Variants in ARHGEF12 observed in about 807,000 individuals in gnomAD.
The protein encoded by ARHGEF12 is KMT2A/ARHGEF12 fusion protein.
ARHGEF12 carries 66 observed loss-of-function variants against 211.2 expected under a neutral mutation model. The ratio of observed to expected loss-of-function variants is 0.31; its 90% CI spans 0.26 to 0.38. ARHGEF12 has a LOEUF of 0.38. Among genes scored for constraint, ARHGEF12 ranks in the 10% least tolerant of loss-of-function variants. The pLI is 1.00. For synonymous variants in ARHGEF12, 592 were observed against 638.4 expected, an observed-to-expected ratio of 0.93 and a Z score of 1.09; for missense variants, 1,429 against 1,869.5, an observed-to-expected ratio of 0.76 and a Z score of 4.34.
intron 1 of ARHGEF12, among the ~76,000 whole-genome samples, chr11:120,388,220 A>G (rs1944100667): frequency 6.6e-6 from 1 of 152,120 alleles, no homozygotes; most frequent in African/African-American, 2.4e-5. Context: ...AAGTGAACTC[A>G]CATAGTTTGT....
At position 120,440,134 on chromosome 11, in the gene ARHGEF12, T is replaced by C; in HGVS notation, c.1005T>C (p.Thr335=). The change falls in exon 13 of 41, where the codon ACT becomes ACC. Residue 335 remains threonine, a synonymous_variant. Transcript: ENST00000397843. The part of the protein sequence containing the change: ...EKSETIQDTD[T]QSLVGSPSTR... ...TTTTCCCTGAATGTTGCCAGGACAC[T>C]CAATCACTTGTCGGAAGTCCCTCAA... 3 of 1,610,898 alleles carry C rather than the reference T, an allele frequency of 1.9e-6. No homozygotes were observed. The highest frequency in any genetic ancestry group is 2.5e-6 in the Non-Finnish European group (3 of 1,178,382).
At chr11:120,384,948 A>G (rs1285774341) in intron 1 of ARHGEF12, among the ~76,000 whole-genome samples, 3 of 151,920 alleles carry the variant, frequency 2.0e-5, no homozygotes, top group Non-Finnish European at 4.4e-5. Context: ...AGCAGTAACA[A>G]CAACCGAATT....
Position 120,446,490 on chromosome 11 carries a change from G to A in ARHGEF12, c.1433G>A (p.Arg478Lys). ...GAAAGAGTCCATCCAGAAGTTCAAA[G>A]GCACTTAGAAGATTTTCGGTAAGCT... ...MQERVHPEVQ[R>K]HLEDFRQKRS... is the part of the protein sequence containing the mutation. The change falls in exon 17 of 41, where the codon AGG becomes AAG. Residue 478 changes from arginine (R) to lysine (K), a missense_variant. Arg to Lys is a conservative substitution (Grantham distance 26). Coordinates refer to ENST00000397843, the MANE Select transcript of ARHGEF12 (RefSeq NM_015313.3). The A allele has an allele frequency of 6.2e-7, 1 of 1,612,348 alleles. No individual in the cohort carries two copies. The highest frequency in any genetic ancestry group is 8.5e-7 in the Non-Finnish European group (1 of 1,179,306).
At chr11:120,410,731 C>CAGT (rs747835985) in intron 4 of ARHGEF12, 1 of 152,158 alleles carries the variant, frequency 6.6e-6, no homozygotes, top group Non-Finnish European at 1.5e-5. Flanking sequence ...ATACCTTTTA[C>CAGT]AGTAGTTCAG....
At position 120,360,818 on chromosome 11, in the gene ARHGEF12, G is replaced by A. The variant is rs143764589; in HGVS notation, c.32+23543G>A. Among the ~76,000 whole-genome samples the A allele has an allele frequency of 6.1e-3, 932 of 152,132 alleles. 9 individuals carry two copies. Among genetic ancestry groups the A allele is most frequent in the African/African-American group, 0.022 (908 of 41,520 alleles). Reference sequence around the variant, plus strand: ...TAGAAAAAATATGAATGATTATTACGTTAAAAAAATTAAAAGTGGAATGTA... The same window carrying A: ...TAGAAAAAATATGAATGATTATTACATTAAAAAAATTAAAAGTGGAATGTA... On this transcript the variant is annotated intron_variant, in intron 1 of 40. Coordinates refer to ENST00000397843, the MANE Select transcript of ARHGEF12 (RefSeq NM_015313.3).
chr11:120,477,594 G>A (rs1340879223), intron 36 of ARHGEF12, 68 bp downstream of exon 36: 2 of 1,462,162 alleles, frequency 1.4e-6, no homozygotes, highest in Non-Finnish European at 1.9e-6. Flanking sequence ...GCCGGATGTG[G>A]TGGCTCATGC....
intron 1 of ARHGEF12, among the ~76,000 whole-genome samples, chr11:120,377,342 C>G (rs1943754137): frequency 6.6e-6 from 1 of 152,014 alleles, no homozygotes; most frequent in Non-Finnish European, 1.5e-5. Flanking sequence ...TCTGTCTTCT[C>G]TGTCTCTTTT....
chr11:120,445,484 A>G lies in ARHGEF12; in HGVS notation c.1345+20A>G, dbSNP rs778891524. The G allele has an allele frequency of 1.2e-6, 2 of 1,611,870 alleles. No homozygotes were observed. Among genetic ancestry groups the G allele is most frequent in the Non-Finnish European group, 8.5e-7 (1 of 1,177,876 alleles). On this transcript the variant is annotated intron_variant, in intron 16 of 40. Coordinates refer to ENST00000397843, the MANE Select transcript of ARHGEF12 (RefSeq NM_015313.3). ...ATCTAGGTAAGCTTGGAGCACTAAC[A>G]TCCTGGAGAATTACATCTTAATAGA...
intron 2 of ARHGEF12, among the ~76,000 whole-genome samples, chr11:120,407,095 A>C (rs1043927480): frequency 6.6e-6 from 1 of 152,220 alleles, no homozygotes; most frequent in Admixed American, 6.5e-5. Flanking sequence ...TCCAGGATCC[A>C]ATGCTAACCT....
intron 28 of ARHGEF12, among the ~76,000 whole-genome samples, chr11:120,466,921 A>G (rs999578517): frequency 6.6e-6 from 1 of 152,244 alleles, no homozygotes; most frequent in African/African-American, 2.4e-5. Context: ...GTTTCAACAC[A>G]AGGAAGCGAT....
chr11:120,339,204 C>A (rs548138851), intron 1 of ARHGEF12, among the ~76,000 whole-genome samples: 1 of 151,130 alleles, frequency 6.6e-6, no homozygotes, highest in South Asian at 2.1e-4. Flanking sequence ...AGACCTGTTT[C>A]GTAGGATTTT....
chr11:120,474,650 G>T lies in ARHGEF12; in HGVS notation c.3109+15G>T. Reference sequence around the variant, plus strand: ...TAAAACTATTGGTAGGTCTGATATTGTCTTTTAGTTTTGGGGAGAGTGGCA... The same window carrying T: ...TAAAACTATTGGTAGGTCTGATATTTTCTTTTAGTTTTGGGGAGAGTGGCA... On this transcript the variant is annotated intron_variant, in intron 32 of 40. Coordinates refer to ENST00000397843, the MANE Select transcript of ARHGEF12 (RefSeq NM_015313.3). The T allele has an allele frequency of 6.3e-7, 1 of 1,593,828 alleles. No homozygotes were observed. Among genetic ancestry groups the T allele is most frequent in the South Asian group, 1.1e-5 (1 of 87,138 alleles).
intron 39 of ARHGEF12, among the ~76,000 whole-genome samples, 156 bp downstream of exon 39, chr11:120,481,732 T>C (rs181805180): frequency 6.6e-6 from 1 of 152,206 alleles, no homozygotes; most frequent in East Asian, 1.9e-4. Context: ...AAAGTTGAGA[T>C]TGGCATTGTT....
In ARHGEF12 at chr11:120,351,554, T is replaced by G. The variant is rs182563111; in HGVS notation, c.32+14279T>G. Among the ~76,000 whole-genome samples the G allele has an allele frequency of 2.0e-3, 281 of 141,744 alleles. 7 individuals carry two copies. In the Middle Eastern group the frequency reaches 0.022, roughly 11 times the overall value. The allele number at this position is 141,744 out of a possible 152,430, so 93.0% of individuals were successfully genotyped here. A position where few individuals can be genotyped will look rare whatever the true frequency, so the allele number is the denominator to read the frequency against. On this transcript the variant is annotated intron_variant, in intron 1 of 40. Coordinates refer to ENST00000397843, the MANE Select transcript of ARHGEF12 (RefSeq NM_015313.3). ...GGCATGGTCTTGGCTCACTTGAACC[T>G]CCACCTCCCTGGTTCAAGAAATTCT...
intron 6 of ARHGEF12, among the ~76,000 whole-genome samples, chr11:120,423,176 A>G (rs1322563185): frequency 4.6e-5 from 7 of 152,172 alleles, no homozygotes; most frequent in Admixed American, 1.3e-4. Context: ...CACTGATAAC[A>G]AAGAAGAAGA....
intron 1 of ARHGEF12, among the ~76,000 whole-genome samples, chr11:120,386,488 A>G (rs1944032973): frequency 6.6e-6 from 1 of 152,144 alleles, no homozygotes; most frequent in South Asian, 2.1e-4. Flanking sequence ...GATATGAGTT[A>G]TCATACTGTT....
At chr11:120,413,454 G>A (rs949881568) in intron 4 of ARHGEF12, among the ~76,000 whole-genome samples, 5 of 152,198 alleles carry the variant, frequency 3.3e-5, no homozygotes, top group African/African-American at 1.2e-4. Flanking sequence ...TGTTGAGATT[G>A]ACATAGGAAG....
chr11:120,416,843 G>A (rs1487047240), intron 4 of ARHGEF12, among the ~76,000 whole-genome samples: 2 of 152,032 alleles, frequency 1.3e-5, no homozygotes, highest in Non-Finnish European at 2.9e-5. Context: ...GTAGGGACAG[G>A]GTTTCACCAT....
intron 12 of ARHGEF12, 34 bp from the exon 13 acceptor site, chr11:120,440,095 A>G (rs371401312): frequency 6.7e-7 from 1 of 1,489,452 alleles, no homozygotes; most frequent in Non-Finnish European, 9.3e-7. Context: ...ACCACCAGGT[A>G]ATTTTTCTGT....
Sources: allele counts gnomAD v4.1 joint callset (sites outside exome capture counted in the v4.1 genomes callset), GRCh38; gene constraint gnomAD v4.1.1; transcripts MANE v1.5; gene names NCBI Gene and HGNC (gene_info 2026-07-23, HGNC 2026-07-21).